Variants in MRTFB observed in about 807,000 individuals in gnomAD.
The protein encoded by MRTFB is myocardin related transcription factor B.
A neutral mutation model predicts 104.2 loss-of-function variants in MRTFB; 29 were observed. That is an observed-to-expected ratio of 0.28 (90% CI 0.21 to 0.38). MRTFB has a LOEUF of 0.38. Ranked by LOEUF, MRTFB falls within the 10% of genes least tolerant of loss-of-function variation. MRTFB has a pLI of 1.00. For synonymous variants in MRTFB, 535 were observed against 519.5 expected (o/e 1.03, Z -0.41); for missense variants, 1,270 against 1,341.6 (o/e 0.95, Z 0.83).
chr16:14,029,443 T>C, the MRTFB span, among the ~76,000 whole-genome samples: 2,973 of 65,134 alleles, frequency 0.046, 153 homozygotes, highest in African/African-American at 0.1. Flanking sequence ...TATATATATA[T>C]ATACACACAC....
At chr16:14,217,328 A>C (rs757056955) in intron 7 of MRTFB, 41 bp downstream of exon 7, 1 of 1,538,798 alleles carries the variant, frequency 6.5e-7, no homozygotes, top group South Asian at 1.3e-5. Flanking sequence ...GAGAAAGAGA[A>C]ACTTGGAAAT....
In MRTFB at chr16:14,225,469, A is replaced by G. The variant is rs554787778; in HGVS notation, c.693+6471A>G. Among the ~76,000 whole-genome samples, 5 of 152,296 alleles carry G rather than the reference A, an allele frequency of 3.3e-5. No individual in the cohort carries two copies. The East Asian group carries it at 9.7e-4, about 29-fold the overall frequency. On this transcript the variant is annotated intron_variant, in intron 8 of 16. Coordinates refer to ENST00000571589, the MANE Select transcript of MRTFB (RefSeq NM_001308142.2). ...TTCTAAGATGTTATTTGTAATTCCT[A>G]TGGAAACAAACAAAAAATCCGTAGA...
intron 3 of MRTFB, chr16:14,193,794 A>G (rs1316465581): frequency 6.6e-6 from 1 of 152,208 alleles, no homozygotes; most frequent in Non-Finnish European, 1.5e-5. Context: ...AGGCACATCA[A>G]AATTACCATT....
intron 2 of MRTFB, among the ~76,000 whole-genome samples, chr16:14,112,095 G>T (rs976339531): frequency 2.0e-5 from 3 of 152,196 alleles, no homozygotes; most frequent in African/African-American, 7.2e-5. Context: ...GATTTAATCA[G>T]TGCTGAAGCT....
Position 14,245,554 on chromosome 16 carries a change from G to C in MRTFB, c.1106G>C (p.Ser369Thr), listed in dbSNP as rs775720849. 1.9e-6 allele frequency: 3 copies of C among 1,612,490 alleles called. No homozygotes were observed. In the Admixed American group the frequency reaches 5.0e-5, roughly 27 times the overall value. Residue 369 changes from serine to threonine, a missense_variant, in exon 11 of 17, where the codon AGT becomes ACT. Around this residue, in one of 3 missense-constraint regions of MRTFB, gnomAD observed 1,144 missense variants for 1,131.5 expected, o/e 1.01. Coordinates refer to ENST00000571589, the MANE Select transcript of MRTFB (RefSeq NM_001308142.2). ...FKPLNDKNSN[S>T]GNSALNNATP... ...CCACTCAATGACAAAAATAGTAACA[G>C]TGGGAATTCAGCTTTGAACAATGCC... is the stretch of plus-strand genomic sequence containing the variant.
chr16:14,044,293 C>G, the MRTFB span, among the ~76,000 whole-genome samples: 2 of 152,330 alleles, frequency 1.3e-5, no homozygotes, highest in East Asian at 1.9e-4. Flanking sequence ...CCAGTTGGCT[C>G]TAGGTGTCTC....
intron 3 of MRTFB, among the ~76,000 whole-genome samples, chr16:14,146,504 A>G (rs1286673427): frequency 6.6e-6 from 1 of 152,212 alleles, no homozygotes; most frequent in Non-Finnish European, 1.5e-5. Context: ...ATCACTTACT[A>G]GAGAGAAAAT....
chr16:14,087,870 C>T (rs1317441304), intron 2 of MRTFB, among the ~76,000 whole-genome samples: 1 of 152,138 alleles, frequency 6.6e-6, no homozygotes, highest in Non-Finnish European at 1.5e-5. Context: ...GGAAAGGTTG[C>T]CAATTATTGC....
the MRTFB span, among the ~76,000 whole-genome samples, chr16:14,061,006 T>A: frequency 6.6e-6 from 1 of 151,784 alleles, no homozygotes; most frequent in African/African-American, 2.4e-5. Context: ...CTTAGCCAGG[T>A]GTGGTGGTGG....
chr16:14,010,947 C>A, the MRTFB span, among the ~76,000 whole-genome samples: 1 of 152,168 alleles, frequency 6.6e-6, no homozygotes, highest in East Asian at 1.9e-4. Context: ...ACAGTGTATT[C>A]TAGTATTGGA....
the MRTFB span, among the ~76,000 whole-genome samples, chr16:14,021,294 C>G: frequency 6.6e-6 from 1 of 152,212 alleles, no homozygotes; most frequent in African/African-American, 2.4e-5. Flanking sequence ...TGAGGTGACT[C>G]TTTTCTGCTG....
the MRTFB span, among the ~76,000 whole-genome samples, chr16:14,048,547 A>G: frequency 1.3e-5 from 2 of 152,172 alleles, no homozygotes; most frequent in African/African-American, 4.8e-5. Flanking sequence ...AATCCAGACC[A>G]CAGAGGAAGA....
At chr16:14,219,060 T>C in intron 8 of MRTFB, 62 bp downstream of exon 8, 1 of 1,461,346 alleles carries the variant, frequency 6.8e-7, no homozygotes, top group South Asian at 1.4e-5. Flanking sequence ...TTTAATATAT[T>C]AAGGTAATAC....
At chr16:14,126,219 G>A (rs908339288) in intron 2 of MRTFB, among the ~76,000 whole-genome samples, 1 of 151,922 alleles carries the variant, frequency 6.6e-6, no homozygotes, top group African/African-American at 2.4e-5. Context: ...AAAAACCTTA[G>A]TTTATATGTA....
chr16:14,110,224 C>T (rs992452510), intron 2 of MRTFB, among the ~76,000 whole-genome samples: 2 of 152,184 alleles, frequency 1.3e-5, no homozygotes, highest in African/African-American at 4.8e-5. Flanking sequence ...CCTTGAAGCC[C>T]TGGTGGCTGA....
At chr16:14,055,606 T>C in the MRTFB span, among the ~76,000 whole-genome samples, 1 of 152,194 alleles carries the variant, frequency 6.6e-6, no homozygotes, top group East Asian at 1.9e-4. Flanking sequence ...CATTTGGGTT[T>C]GTCTGATGTT....
chr16:14,130,350 T>C (rs1181244581), intron 2 of MRTFB, among the ~76,000 whole-genome samples: 1 of 152,224 alleles, frequency 6.6e-6, no homozygotes, highest in Admixed American at 6.5e-5. Context: ...AACCATTGTT[T>C]TTGACAATTT....
chr16:14,133,276 TG>T (rs2037535584), intron 2 of MRTFB, among the ~76,000 whole-genome samples: 1 of 152,170 alleles, frequency 6.6e-6, no homozygotes, highest in Admixed American at 6.5e-5. Flanking sequence ...TCAAGAAAAA[TG>T]TTTTCAGATT....
intron 3 of MRTFB, among the ~76,000 whole-genome samples, chr16:14,191,646 C>A (rs781693414): frequency 6.6e-6 from 1 of 152,162 alleles, no homozygotes; most frequent in African/African-American, 2.4e-5. Context: ...GTATTATACC[C>A]TTCTCTGCCT....
Sources: allele counts gnomAD v4.1 joint callset (sites outside exome capture counted in the v4.1 genomes callset), GRCh38; gene constraint gnomAD v4.1.1; regional missense constraint gnomAD v4.1.1; transcripts MANE v1.5; gene names NCBI Gene and HGNC (gene_info 2026-07-23, HGNC 2026-07-21).